The following RPS6KA1 variants were observed in gnomAD, a reference collection of about 807,000 sequenced individuals.
RPS6KA1 encodes the protein ribosomal protein S6 kinase A1.
A neutral mutation model predicts 91.3 loss-of-function variants in RPS6KA1; 48 were observed. The ratio of observed to expected loss-of-function variants is 0.53; its 90% CI spans 0.42 to 0.67. The LOEUF is 0.67. Ranked by LOEUF, RPS6KA1 falls within the 30% of genes least tolerant of loss-of-function variation. The pLI is 0.00. For missense variants in RPS6KA1, 719 were observed against 960.5 expected (o/e 0.75, Z 3.32); for synonymous variants, 359 against 384.7 (o/e 0.93, Z 0.78).
At chr1:26,532,055 G>T (rs1243215067) in intron 1 of RPS6KA1, among the ~76,000 whole-genome samples, 1 of 152,196 alleles carries the variant, frequency 6.6e-6, no homozygotes, top group Non-Finnish European at 1.5e-5. Flanking sequence ...GTGAGGGGCT[G>T]GTGGGGGACT....
intron 15 of RPS6KA1, 38 bp downstream of exon 15, chr1:26,560,889 G>T (rs764389326): frequency 3.5e-5 from 57 of 1,613,572 alleles, no homozygotes; most frequent in Non-Finnish European, 4.8e-5. Context: ...AGGCTGCTGG[G>T]TTGGGGGCAG....
intron 19 of RPS6KA1, 58 bp from the exon 20 acceptor site, chr1:26,572,118 C>T (rs910195475): frequency 6.8e-7 from 1 of 1,467,190 alleles, no homozygotes; most frequent in African/African-American, 1.4e-5. Flanking sequence ...CCCACCGCAG[C>T]CCCAGCCCCA....
At chr1:26,560,959 G>T (rs2076149139) in intron 15 of RPS6KA1, 86 bp from the exon 16 acceptor site, 1 of 1,600,152 alleles carries the variant, frequency 6.2e-7, no homozygotes. Flanking sequence ...AAGGTGTGTG[G>T]CCGAGACCTC....
Position 26,547,403 on chromosome 1 carries a change from G to A in RPS6KA1, c.307+133G>A. On this transcript the variant is annotated intron_variant, in intron 4 of 21. Coordinates refer to ENST00000374168, the MANE Select transcript of RPS6KA1 (RefSeq NM_002953.4). The surrounding 1 kb of genome is among the most constrained non-coding windows in gnomAD (Gnocchi z 4.1). ...ACCTAGTTCAAAGGTGGAGAAACAG[G>A]CCTATTTCTCAGCTATCCCTCGCCA... 1.4e-6 allele frequency: 1 copy of A among 698,490 alleles called. No individual in the cohort carries two copies. The highest frequency in any genetic ancestry group is 2.5e-6 in the Non-Finnish European group (1 of 405,672). The allele number at this position is 698,490 out of a possible 1,614,324, so 43.3% of individuals were successfully genotyped here. A position where few individuals can be genotyped will look rare whatever the true frequency, so the allele number is the denominator to read the frequency against.
chr1:26,535,257 G>T (rs2075897802), intron 1 of RPS6KA1, among the ~76,000 whole-genome samples: 1 of 152,000 alleles, frequency 6.6e-6, no homozygotes, highest in South Asian at 2.1e-4. Flanking sequence ...GAGATTAGGG[G>T]CATTAAAGGG....
rs768781742 is a variant in RPS6KA1, at chr1:26,574,133, C to T, written c.2140C>T (p.Leu714=). The T allele has an allele frequency of 1.2e-6, 2 of 1,614,174 alleles. No individual in the cohort carries two copies. Among genetic ancestry groups the T allele is most frequent in the Non-Finnish European group, 1.7e-6 (2 of 1,180,028 alleles). Residue 714 remains leucine (L), a synonymous_variant, in exon 22 of 22, where the codon CTG becomes TTG. Coordinates refer to ENST00000374168, the MANE Select transcript of RPS6KA1 (RefSeq NM_002953.4). This position sits in a 1 kb window ranked among gnomAD's most constrained non-coding sequence, Gnocchi z 4.3. ...ALNSSKPTPQ[L]KPIESSILAQ... is the part of the protein sequence containing the mutation. ...CAACAGCTCCAAGCCCACCCCCCAG[C>T]TGAAGCCCATCGAGTCATCCATCCT...
rs905885571 is a variant in RPS6KA1, at chr1:26,530,063, G to A, written c.63+80G>A. 32 of 1,037,906 alleles carry A rather than the reference G, an allele frequency of 3.1e-5. No individual in the cohort carries two copies. In the African/African-American group the frequency reaches 3.9e-4, roughly 13 times the overall value. The allele number at this position is 1,037,906 out of a possible 1,614,324, so 64.3% of individuals were successfully genotyped here. A position where few individuals can be genotyped will look rare whatever the true frequency, so the allele number is the denominator to read the frequency against. On this transcript the variant is annotated intron_variant, in intron 1 of 21. Coordinates refer to ENST00000374168, the MANE Select transcript of RPS6KA1 (RefSeq NM_002953.4). ...CAGGGGCGGGGCGGCCCGAAGCGCC[G>A]CTGCAGTCCGGCGGGCGCCCGCGAG... is the stretch of plus-strand genomic sequence containing the variant.
At chr1:26,572,070 A>G in intron 19 of RPS6KA1, 106 bp from the exon 20 acceptor site, 1 of 1,303,290 alleles carries the variant, frequency 7.7e-7, no homozygotes. Flanking sequence ...CAGGAGCTCT[A>G]CCTTGGGAGT....
In RPS6KA1 at chr1:26,571,245, T is replaced by A. The variant is rs772024302; in HGVS notation, c.1591-204T>A. The stretch of plus-strand genomic sequence containing the variant: ...AGAGTTCAGTTTTGACAGGTTAACT[T>A]AGAGCTACCTGTAGACACCTACACA... On this transcript the variant is annotated intron_variant, in intron 17 of 21. Coordinates refer to ENST00000374168, the MANE Select transcript of RPS6KA1 (RefSeq NM_002953.4). This position sits in a 1 kb window ranked among gnomAD's most constrained non-coding sequence, Gnocchi z 5.1. 1 of 572,154 alleles carries A rather than the reference T, an allele frequency of 1.7e-6. No homozygotes were observed. Among genetic ancestry groups the A allele is most frequent in the Non-Finnish European group, 3.1e-6 (1 of 320,914 alleles). The allele number at this position is 572,154 out of a possible 1,614,324, so 35.4% of individuals were successfully genotyped here. A position where few individuals can be genotyped will look rare whatever the true frequency, so the allele number is the denominator to read the frequency against.
Position 26,561,725 on chromosome 1 carries a change from A to G in RPS6KA1, c.1590+62A>G. On this transcript the variant is annotated intron_variant, in intron 17 of 21. Transcript: ENST00000374168. This position sits in a 1 kb window ranked among gnomAD's most constrained non-coding sequence, Gnocchi z 5.7. ...AAGGGTCATATCATCAGCAGAGAAC[A>G]TGAACCACCTGCTGGCCCAGGAATG... 4 of 1,488,998 alleles carry G rather than the reference A, an allele frequency of 2.7e-6. No individual in the cohort carries two copies. The highest frequency in any genetic ancestry group is 3.6e-6 in the Non-Finnish European group (4 of 1,102,770). 92.2% of individuals were successfully genotyped at this position (1,488,998 alleles called of 1,614,324 possible).
At chr1:26,573,458 C>G (rs2076268047) in intron 21 of RPS6KA1, 97 bp downstream of exon 21, 1 of 1,392,694 alleles carries the variant, frequency 7.2e-7, no homozygotes, top group Non-Finnish European at 1.0e-6. Context: ...ATGTCTGTAC[C>G]AAGCACCATG....
chr1:26,571,997 A>T lies in RPS6KA1; in HGVS notation c.1829+72A>T, dbSNP rs987015585. On this transcript the variant is annotated intron_variant, in intron 19 of 21. Transcript: ENST00000374168. The surrounding 1 kb of genome is among the most constrained non-coding windows in gnomAD (Gnocchi z 5.1). ...ACTTGGGCTGAGTGGTGCTTGTCTG[A>T]TAGGAATGGCTCAGCCAGCCCCGCC... The T allele has an allele frequency of 1.3e-6, 2 of 1,501,202 alleles. No homozygotes were observed. The highest frequency in any genetic ancestry group is 1.8e-6 in the Non-Finnish European group (2 of 1,087,716). The allele number at this position is 1,501,202 out of a possible 1,614,324, so 93.0% of individuals were successfully genotyped here.
rs898204934 is a variant in RPS6KA1 at position 26,540,264 on chromosome 1, C to T, written c.108+3295C>T. 6.6e-6 allele frequency among the ~76,000 whole-genome samples: 1 copy of T among 152,198 alleles called. No homozygotes were observed. The highest frequency in any genetic ancestry group is 1.5e-5 in the Non-Finnish European group (1 of 68,026). The stretch of plus-strand genomic sequence containing the variant: ...GCATATTGTTCTAACCTTCATTTTA[C>T]AGAGGAGGAAACCGAGGTTCAGACA... On this transcript the variant is annotated intron_variant, in intron 2 of 21. Transcript: ENST00000374168. The surrounding 1 kb of genome is among the most constrained non-coding windows in gnomAD (Gnocchi z 4.2).
Position 26,547,005 on chromosome 1 carries a change from GTGAAGGCAAC to G in RPS6KA1, c.225+23_225+32del, listed in dbSNP as rs772090348. On this transcript the variant is annotated intron_variant, in intron 3 of 21. Coordinates refer to ENST00000374168, the MANE Select transcript of RPS6KA1 (RefSeq NM_002953.4). The surrounding 1 kb of genome is among the most constrained non-coding windows in gnomAD (Gnocchi z 4.1). ...CAAAGTGAGTCATGAGCCCATAGCT[GTGAAGGCAAC>G]ACTCGTCATGTTAGAGGTGGGGGTC... The G allele has an allele frequency of 1.0e-4, 165 of 1,597,102 alleles. 1 individual carries two copies. Among genetic ancestry groups the G allele is most frequent in the Non-Finnish European group, 2.2e-5 (26 of 1,164,816 alleles).
At chr1:26,531,022 C>A (rs1158607336) in intron 1 of RPS6KA1, 1 of 675,302 alleles carries the variant, frequency 1.5e-6, no homozygotes, top group Non-Finnish European at 2.0e-6. Flanking sequence ...CTGTCTCAGT[C>A]CCCTCCTCTG....
rs377161355 is a variant in RPS6KA1, at chr1:26,571,604, G to A, written c.1746G>A (p.Ala582=). ...CTTGCTACACAGCCAACTTTGTGGC[G>A]CCTGAGGTGAGTGGCCCAGCCTCCT... ...MTPCYTANFV[A]PEVLKRQGYD... Residue 582 remains alanine, a synonymous_variant, in exon 18 of 22, where the codon GCG becomes GCA. Coordinates refer to ENST00000374168, the MANE Select transcript of RPS6KA1 (RefSeq NM_002953.4). The surrounding 1 kb of genome is among the most constrained non-coding windows in gnomAD (Gnocchi z 5.1). The A allele has an allele frequency of 7.6e-5, 123 of 1,613,938 alleles. No individual in the cohort carries two copies. The East Asian group carries it at 7.8e-4, about 10-fold the overall frequency.
At position 26,556,679 on chromosome 1, in the gene RPS6KA1, A is replaced by G. The variant is rs758584238; in HGVS notation, c.942A>G (p.Glu314=). 6.2e-6 allele frequency: 10 copies of G among 1,614,068 alleles called. No homozygotes were observed. The South Asian group carries it at 1.1e-4, about 18-fold the overall frequency. ...RLGSGPDGAE[E]IKRHVFYSTI... ...GCTCCGGCCCTGATGGGGCAGAGGA[A>G]ATCAAGCGGCATGTCTTCTACTCCA... The change falls in exon 12 of 22, where the codon GAA becomes GAG. Residue 314 remains glutamate, a synonymous_variant. Coordinates refer to ENST00000374168, the MANE Select transcript of RPS6KA1 (RefSeq NM_002953.4).
intron 2 of RPS6KA1, chr1:26,543,083 C>G: frequency 6.8e-7 from 1 of 1,468,302 alleles, no homozygotes; most frequent in East Asian, 2.5e-5. Context: ...AGAGACCCTG[C>G]CTTCTGGGCC....
At position 26,551,811 on chromosome 1, in the gene RPS6KA1, T is replaced by C; in HGVS notation, c.468+88T>C. The stretch of plus-strand genomic sequence containing the variant: ...TCCCAGGGCCCTGTACAGAATGTGT[T>C]TGGTATGGCTTGAACCTGGAACCAC... On this transcript the variant is annotated intron_variant, in intron 6 of 21. Transcript: ENST00000374168. The surrounding 1 kb of genome is among the most constrained non-coding windows in gnomAD (Gnocchi z 4.5). 2.5e-6 allele frequency: 3 copies of C among 1,206,318 alleles called. No homozygotes were observed. The highest frequency in any genetic ancestry group is 3.7e-6 in the Non-Finnish European group (3 of 819,072). The allele number at this position is 1,206,318 out of a possible 1,614,324, so 74.7% of individuals were successfully genotyped here.
Sources: allele counts gnomAD v4.1 joint callset (sites outside exome capture counted in the v4.1 genomes callset), GRCh38; gene constraint gnomAD v4.1.1; non-coding constraint Gnocchi (gnomAD v3.1); transcripts MANE v1.5; gene names NCBI Gene and HGNC (gene_info 2026-07-23, HGNC 2026-07-21).